SLC6A14: variants seen among roughly 807,000 people sequenced by gnomAD.
SLC6A14 encodes the protein solute carrier family 6 member 14.
Under a neutral mutation model 51.4 loss-of-function variants are expected in SLC6A14, and 21 were observed. The ratio of observed to expected loss-of-function variants is 0.41; its 90% CI spans 0.29 to 0.59. The LOEUF (loss-of-function observed/expected upper bound fraction) is 0.59, where lower values mean the gene tolerates loss of function less well. SLC6A14 is among the 20% of genes least tolerant of loss of function. SLC6A14 has a pLI of 0.31. For missense variants in SLC6A14, 371 were observed against 472.8 expected, an observed-to-expected ratio of 0.78 and a Z score of 2.00; for synonymous variants, 177 against 160.7, an observed-to-expected ratio of 1.10 and a Z score of -0.77.
At chrX:116,437,657 A>T in intron 1 of SLC6A14, 133 bp from the exon 2 acceptor site, 1 of 612,220 alleles carries the variant, frequency 1.6e-6, no homozygotes, top group Non-Finnish European at 2.5e-6. Context: ...CAACTTTCTA[A>T]AGCATTCCCC....
Position 116,460,801 on chromosome X carries a change from C to A in SLC6A14, c.*1846C>A, listed in dbSNP as rs1331945490. On this transcript the variant is annotated 3_prime_UTR_variant, in exon 14 of 14. Transcript: ENST00000598581. ...CAGGCTGGTCTTGAACTCCCGACCT[C>A]AAGTGATCTGTCTACCTCGGCCTCC... 1 of 110,091 alleles carries A rather than the reference C, an allele frequency of 9.1e-6. No homozygotes were observed. Among genetic ancestry groups the A allele is most frequent in the Admixed American group, 9.8e-5 (1 of 10,253 alleles). The allele number at this position is 110,091 out of a possible 1,213,427, so 9.1% of individuals were successfully genotyped here.
chrX:116,458,528 T>C (rs1476364538), intron 13 of SLC6A14, among the ~76,000 whole-genome samples: 2 of 111,609 alleles, frequency 1.8e-5, no homozygotes, highest in Non-Finnish European at 3.8e-5. Context: ...GTTACTCTAA[T>C]GGGTTCACAC....
At chrX:116,439,734 T>G in intron 2 of SLC6A14, among the ~76,000 whole-genome samples, 1 of 111,341 alleles carries the variant, frequency 9.0e-6, no homozygotes. Flanking sequence ...AGTTGTATTT[T>G]TTTTTTCGTA....
chrX:116,454,656 A>C (rs1927889926), intron 10 of SLC6A14, among the ~76,000 whole-genome samples: 2 of 110,931 alleles, frequency 1.8e-5, no homozygotes, highest in Non-Finnish European at 3.8e-5. Flanking sequence ...CAGTTACTTC[A>C]GTTACAATAA....
chrX:116,448,894 C>T (rs1927767669), intron 7 of SLC6A14, among the ~76,000 whole-genome samples: 1 of 111,860 alleles, frequency 8.9e-6, no homozygotes, highest in African/African-American at 3.2e-5. Context: ...CTTCTCACCC[C>T]TTTTCTCTCC....
rs1927822602 is a variant in SLC6A14, at chrX:116,451,501, A to C, written c.990A>C (p.Leu330Phe). ...FYSLSVAWGG[L>F]VALSSYNKFK... is the part of the protein sequence containing the mutation. ...CCCTTTCAGTGGCTTGGGGTGGCTTAGTTGCTCTATCATCTTACAATAAGT... is the reference window on the plus strand; with the variant it reads ...CCCTTTCAGTGGCTTGGGGTGGCTTCGTTGCTCTATCATCTTACAATAAGT... The change falls in exon 8 of 14, where the codon TTA (leucine) becomes TTC (phenylalanine). Residue 330 changes from leucine to phenylalanine, a missense_variant. Transcript: ENST00000598581. 8.3e-7 allele frequency: 1 copy of C among 1,209,058 alleles called. No individual in the cohort carries two copies. Among genetic ancestry groups the C allele is most frequent in the African/African-American group, 1.8e-5 (1 of 57,093 alleles).
rs1927982572 is a variant in SLC6A14, at chrX:116,458,791, T to C, written c.1783-18T>C. 1 of 1,159,069 alleles carries C rather than the reference T, an allele frequency of 8.6e-7. No homozygotes were observed. The highest frequency in any genetic ancestry group is 2.7e-5 in the Admixed American group (1 of 37,385). On this transcript the variant is annotated intron_variant, in intron 13 of 13. Coordinates refer to ENST00000598581, the MANE Select transcript of SLC6A14 (RefSeq NM_007231.5). ...CACTTAAATTCTAAGACAATGATTTTTTGTTCTTGCATTTCAGCGCCTTAT... is the reference window on the plus strand; with the variant it reads ...CACTTAAATTCTAAGACAATGATTTCTTGTTCTTGCATTTCAGCGCCTTAT...
Position 116,454,337 on chromosome X carries a change from A to G in SLC6A14, c.1299A>G (p.Thr433=). 8.4e-7 allele frequency: 1 copy of G among 1,189,866 alleles called. No homozygotes were observed. The highest frequency in any genetic ancestry group is 1.1e-6 in the Non-Finnish European group (1 of 877,591). ...SQFASIETIT[T]TIQDLFPKVM... ...CCCCCTCTGAAGAAACGATCACAACAACAATTCAAGATTTATTTCCCAAAG... is the reference window on the plus strand; with the variant it reads ...CCCCCTCTGAAGAAACGATCACAACGACAATTCAAGATTTATTTCCCAAAG... The change falls in exon 10 of 14, where the codon ACA becomes ACG. Residue 433 remains threonine (T), a synonymous_variant. Coordinates refer to ENST00000598581, the MANE Select transcript of SLC6A14 (RefSeq NM_007231.5).
intron 6 of SLC6A14, among the ~76,000 whole-genome samples, chrX:116,446,305 A>G (rs183208011): frequency 8.9e-6 from 1 of 111,767 alleles, no homozygotes; most frequent in Admixed American, 9.6e-5. Flanking sequence ...GGATTTGAAC[A>G]TCTGCTAGGA....
chrX:116,456,351 A>G (rs1172600808), intron 12 of SLC6A14, among the ~76,000 whole-genome samples: 1 of 110,156 alleles, frequency 9.1e-6, no homozygotes, highest in African/African-American at 3.3e-5. Flanking sequence ...TTTTTTTAAC[A>G]TTATGAGATC....
chrX:116,447,977 G>T (rs2147388229), intron 7 of SLC6A14, among the ~76,000 whole-genome samples: 1 of 111,769 alleles, frequency 8.9e-6, no homozygotes, highest in South Asian at 3.7e-4. Context: ...ATTTTATGTT[G>T]AAATCAAGAG....
At chrX:116,437,485 TCTG>T (rs1252509370) in intron 1 of SLC6A14, among the ~76,000 whole-genome samples, 1 of 112,157 alleles carries the variant, frequency 8.9e-6, no homozygotes, top group Non-Finnish European at 1.9e-5. Context: ...ACCTAATTTG[TCTG>T]CTTTCATTTG....
At chrX:116,452,010 A>G (rs1216259791) in intron 8 of SLC6A14, among the ~76,000 whole-genome samples, 1 of 111,937 alleles carries the variant, frequency 8.9e-6, no homozygotes, top group Non-Finnish European at 1.9e-5. Flanking sequence ...TTTAAAACAC[A>G]TGAACATCAT....
At chrX:116,439,805 A>G (rs920881641) in intron 2 of SLC6A14, among the ~76,000 whole-genome samples, 3 of 111,147 alleles carry the variant, frequency 2.7e-5, no homozygotes, top group African/African-American at 9.8e-5. Flanking sequence ...GTACATTGCA[A>G]CATCTATACA....
At position 116,442,680 on chromosome X, in the gene SLC6A14, T is replaced by C. The variant is rs1927622765; in HGVS notation, c.347-7T>C. ...GGTTTTTATTTTAATTGTTCTTTTT[T>C]TTCCAGGTGTGGGAATTACAATGGT... On this transcript the variant is annotated splice_region_variant and splice_polypyrimidine_tract_variant and intron_variant, in intron 3 of 13. Coordinates refer to ENST00000598581, the MANE Select transcript of SLC6A14 (RefSeq NM_007231.5). The C allele has an allele frequency of 3.7e-6, 4 of 1,085,663 alleles. No homozygotes were observed. Among genetic ancestry groups the C allele is most frequent in the Admixed American group, 3.6e-5 (1 of 27,720 alleles). The allele number at this position is 1,085,663 out of a possible 1,213,427, so 89.5% of individuals were successfully genotyped here.
intron 1 of SLC6A14, 36 bp from the exon 2 acceptor site, chrX:116,437,754 T>C: frequency 8.5e-7 from 1 of 1,170,736 alleles, no homozygotes; most frequent in Non-Finnish European, 1.2e-6. Flanking sequence ...TTTGTAATGG[T>C]AGAAAGGCAA....
chrX:116,441,228 A>G, intron 3 of SLC6A14, 131 bp downstream of exon 3: 1 of 661,958 alleles, frequency 1.5e-6, no homozygotes, highest in Non-Finnish European at 2.3e-6. Context: ...TAAAGCAAAG[A>G]AAACATGCAT....
In SLC6A14 at chrX:116,442,835, C is replaced by T; in HGVS notation, c.495C>T (p.Ser165=). The change falls in exon 4 of 14, where the codon AGC becomes AGT. Residue 165 remains serine, a synonymous_variant. Coordinates refer to ENST00000598581, the MANE Select transcript of SLC6A14 (RefSeq NM_007231.5). ...CTTCGTGGTCAGATAAAAACTGTAG[C>T]AGATCACCAATAGGTAAAATTTGTC... is the stretch of plus-strand genomic sequence containing the variant. ...NCSSWSDKNC[S]RSPIVTHCNV... 1 of 1,179,237 alleles carries T rather than the reference C, an allele frequency of 8.5e-7. No homozygotes were observed. The highest frequency in any genetic ancestry group is 1.1e-6 in the Non-Finnish European group (1 of 882,976).
chrX:116,449,156 A>G (rs1927772509), intron 7 of SLC6A14, among the ~76,000 whole-genome samples: 1 of 111,717 alleles, frequency 9.0e-6, no homozygotes, highest in African/African-American at 3.3e-5. Context: ...CAGTGATGAA[A>G]CTAAGACTTA....
Sources: allele counts gnomAD v4.1 joint callset (sites outside exome capture counted in the v4.1 genomes callset), GRCh38; gene constraint gnomAD v4.1.1; transcripts MANE v1.5; gene names NCBI Gene and HGNC (gene_info 2026-07-23, HGNC 2026-07-21).